Variants in GRIN2B observed in about 807,000 individuals in gnomAD.
GRIN2B encodes the protein glutamate receptor ionotropic, NMDA 2B.
Under a neutral mutation model 114.5 loss-of-function variants are expected in GRIN2B, and 5 were observed. The ratio of observed to expected loss-of-function variants is 0.04; its 90% CI spans 0.02 to 0.09. The LOEUF is 0.09. GRIN2B is among the 10% of genes least tolerant of loss of function. The probability of loss-of-function intolerance (pLI) is 1.00; values close to 1 mark genes in which losing one functional copy is unlikely to be tolerated. For missense variants in GRIN2B, 1,108 were observed against 1,943.5 expected, an observed-to-expected ratio of 0.57 and a Z score of 8.08; for synonymous variants, 787 against 745.1, an observed-to-expected ratio of 1.06 and a Z score of -0.92.
chr12:13,615,525 T>C lies in GRIN2B; in HGVS notation c.1468A>G (p.Ile490Val), dbSNP rs199847566. The C allele has an allele frequency of 6.2e-7, 1 of 1,613,936 alleles. No homozygotes were observed. Reference sequence around the variant, plus strand: ...ATCATACCATTCCAGGTTCCATTGATTTTCTTCCCATGCTTGCCATTGGTA... The same window carrying C: ...ATCATACCATTCCAGGTTCCATTGACTTTCTTCCCATGCTTGCCATTGGTA... ...LVTNGKHGKK[I>V]NGTWNGMIGE... is the part of the protein sequence containing the mutation. The change falls in exon 7 of 14, where the codon ATC (isoleucine) becomes GTC (valine). Residue 490 changes from isoleucine to valine, a missense_variant. This residue lies in a region of GRIN2B where 8 missense variants were observed against 111.7 expected (regional missense o/e 0.07). Coordinates refer to ENST00000609686, the MANE Select transcript of GRIN2B (RefSeq NM_000834.5). This position sits in a 1 kb window ranked among gnomAD's most constrained non-coding sequence, Gnocchi z 5.8.
At chr12:13,577,951 T>C (rs148673179) in intron 10 of GRIN2B, among the ~76,000 whole-genome samples, 190 of 152,340 alleles carry the variant, frequency 1.2e-3, no homozygotes, top group African/African-American at 4.4e-3. Flanking sequence ...CAAGTATTTG[T>C]TGGTGTTTAT....
At chr12:13,578,320 G>T (rs117558789) in intron 10 of GRIN2B, among the ~76,000 whole-genome samples, 4,808 of 152,282 alleles carry the variant, frequency 0.032, 110 homozygotes, top group Non-Finnish European at 0.051. Context: ...TTGTGGGATT[G>T]CTGAGACAAG....
rs191634118 is a variant in GRIN2B at position 13,974,005 on chromosome 12, T to C, written c.-19+5923A>G. On this transcript the variant is annotated intron_variant, in intron 2 of 13. Coordinates refer to ENST00000609686, the MANE Select transcript of GRIN2B (RefSeq NM_000834.5). ...CTCTAAAATATCAAGCCACTCTAAA[T>C]AGACTACCAAAAAGCATTTTGTGAA... 3.2e-4 allele frequency among the ~76,000 whole-genome samples: 48 copies of C among 152,314 alleles called. 1 individual carries two copies. The highest frequency in any genetic ancestry group is 1.4e-3 in the Admixed American group (22 of 15,304).
chr12:13,637,134 A>C (rs1409024498), intron 5 of GRIN2B, among the ~76,000 whole-genome samples: 2 of 152,204 alleles, frequency 1.3e-5, no homozygotes, highest in Non-Finnish European at 2.9e-5. Flanking sequence ...ATTGACATTT[A>C]GAATATTTTG....
At chr12:13,948,974 A>G (rs997389965) in intron 2 of GRIN2B, among the ~76,000 whole-genome samples, 2 of 152,176 alleles carry the variant, frequency 1.3e-5, no homozygotes, top group Non-Finnish European at 2.9e-5. Flanking sequence ...AAAGGAGGGA[A>G]AGCAGTCTTA....
At chr12:13,819,725 G>A (rs1051054424) in intron 3 of GRIN2B, among the ~76,000 whole-genome samples, 2 of 152,154 alleles carry the variant, frequency 1.3e-5, no homozygotes, top group African/African-American at 4.8e-5. Flanking sequence ...AGATTTTGCT[G>A]CCAAATGAAT....
chr12:13,909,048 C>T (rs183925138), intron 2 of GRIN2B, among the ~76,000 whole-genome samples: 4 of 152,210 alleles, frequency 2.6e-5, no homozygotes, highest in South Asian at 2.1e-4. Context: ...CTGTAACAAA[C>T]GCAGGCTCCA....
In GRIN2B at chr12:13,547,981, A is replaced by ATATATATATATTTTTTTTTTT; in HGVS notation, c.*14801_*14802insAAAAAAAAAAATATATATATA. The ATATATATATATTTTTTTTTTT allele has an allele frequency of 4.4e-5, 3 of 68,596 alleles. No homozygotes were observed. Among genetic ancestry groups the ATATATATATATTTTTTTTTTT allele is most frequent in the Non-Finnish European group, 8.7e-5 (3 of 34,400 alleles). 4.2% of individuals were successfully genotyped at this position (68,596 alleles called of 1,614,324 possible). ...TGTGTATATATATATATATATATAT[A>ATATATATATATTTTTTTTTTT]TTTTTTTTTTTTTTCTGAAAGCTAC... is the stretch of plus-strand genomic sequence containing the variant. On this transcript the variant is annotated 3_prime_UTR_variant, in exon 14 of 14. Coordinates refer to ENST00000609686, the MANE Select transcript of GRIN2B (RefSeq NM_000834.5).
intron 4 of GRIN2B, among the ~76,000 whole-genome samples, chr12:13,694,035 A>G (rs1180591140): frequency 6.6e-6 from 1 of 152,196 alleles, no homozygotes; most frequent in Non-Finnish European, 1.5e-5. Flanking sequence ...CAGAGGACCG[A>G]GTCAGCAAGG....
At chr12:13,914,081 C>T in intron 2 of GRIN2B, among the ~76,000 whole-genome samples, 1 of 152,166 alleles carries the variant, frequency 6.6e-6, no homozygotes, top group Admixed American at 6.6e-5. Context: ...ACTTCAGCAT[C>T]AGCTTTTAAC....
intron 5 of GRIN2B, among the ~76,000 whole-genome samples, chr12:13,647,926 A>C (rs1482774756): frequency 6.6e-6 from 1 of 152,110 alleles, no homozygotes; most frequent in Non-Finnish European, 1.5e-5. Context: ...GGACGCTGGC[A>C]GTGGGATGAC....
At chr12:13,744,038 G>A (rs534162085) in intron 4 of GRIN2B, among the ~76,000 whole-genome samples, 1 of 152,210 alleles carries the variant, frequency 6.6e-6, no homozygotes, top group South Asian at 2.1e-4. Flanking sequence ...TCATTTATAG[G>A]CTCATCAACA....
rs537168261 is a variant in GRIN2B at position 13,682,239 on chromosome 12, G to A, written c.1011-6380C>T. On this transcript the variant is annotated intron_variant, in intron 4 of 13. Transcript: ENST00000609686. ...CTGGTCAACAATGTCCTCTTTTTAA[G>A]GAAGAAGGATTTGAAGAAGTTTTAA... Among the ~76,000 whole-genome samples the A allele has an allele frequency of 2.6e-5, 4 of 152,226 alleles. No individual in the cohort carries two copies. In the South Asian group the frequency reaches 8.3e-4, roughly 32 times the overall value.
intron 10 of GRIN2B, among the ~76,000 whole-genome samples, chr12:13,585,612 T>C (rs753643230): frequency 1.3e-5 from 2 of 152,160 alleles, no homozygotes; most frequent in Non-Finnish European, 2.9e-5. Context: ...TAAAGAAACT[T>C]ATGTAACCCT....
chr12:13,924,183 G>A (rs906980843), intron 2 of GRIN2B, among the ~76,000 whole-genome samples: 2 of 152,096 alleles, frequency 1.3e-5, no homozygotes, highest in South Asian at 2.1e-4. Flanking sequence ...ATGTAAAAGC[G>A]GTACACAGTA....
intron 2 of GRIN2B, among the ~76,000 whole-genome samples, chr12:13,958,943 C>A (rs918783092): frequency 6.6e-6 from 1 of 150,992 alleles, no homozygotes; most frequent in Non-Finnish European, 1.5e-5. Flanking sequence ...ATTTGGACCG[C>A]GGGAATTAGC....
intron 4 of GRIN2B, among the ~76,000 whole-genome samples, chr12:13,699,900 T>TC (rs1491446876): frequency 7.1e-6 from 1 of 140,402 alleles, no homozygotes; most frequent in African/African-American, 2.6e-5. Context: ...TTTTTTTTTT[T>TC]CTTGTCTAAA....
At chr12:13,717,984 CTT>C in intron 4 of GRIN2B, among the ~76,000 whole-genome samples, 2 of 152,172 alleles carry the variant, frequency 1.3e-5, no homozygotes, top group South Asian at 4.1e-4. Flanking sequence ...TCTTTAATGT[CTT>C]TCCTCTTCGT....
At chr12:13,942,071 C>T (rs567636508) in intron 2 of GRIN2B, among the ~76,000 whole-genome samples, 1 of 152,308 alleles carries the variant, frequency 6.6e-6, no homozygotes, top group South Asian at 2.1e-4. Flanking sequence ...TCTGCTTTTA[C>T]CGTCTTCCAC....
Sources: allele counts gnomAD v4.1 joint callset (sites outside exome capture counted in the v4.1 genomes callset), GRCh38; gene constraint gnomAD v4.1.1; regional missense constraint gnomAD v4.1.1; non-coding constraint Gnocchi (gnomAD v3.1); transcripts MANE v1.5; gene names NCBI Gene and HGNC (gene_info 2026-07-23, HGNC 2026-07-21).